DCBLD1: variants seen among roughly 807,000 people sequenced by gnomAD.
DCBLD1 encodes the protein discoidin, CUB and LCCL domain-containing protein 1.
Under a neutral mutation model 71.5 loss-of-function variants are expected in DCBLD1, and 57 were observed. The ratio of observed to expected loss-of-function variants is 0.80; its 90% CI spans 0.64 to 0.99. DCBLD1 has a LOEUF of 0.99. Among genes scored for constraint, DCBLD1 ranks in the 50% least tolerant of loss-of-function variants. The pLI is 0.00. For synonymous variants in DCBLD1, 380 were observed against 363.8 expected (o/e 1.04, Z -0.51); for missense variants, 891 against 923.5 (o/e 0.96, Z 0.46).
chr6:117,568,576 T>C (rs1562138558), intron 14 of DCBLD1, among the ~76,000 whole-genome samples: 3 of 152,210 alleles, frequency 2.0e-5, no homozygotes, highest in South Asian at 4.1e-4. Flanking sequence ...GTAGCATTCT[T>C]AGATCTCTCT....
chr6:117,559,122 C>T (rs1330899129), intron 14 of DCBLD1, among the ~76,000 whole-genome samples: 1 of 152,198 alleles, frequency 6.6e-6, no homozygotes, highest in Non-Finnish European at 1.5e-5. Flanking sequence ...TGGGTGGGTT[C>T]CTAATGCCCA....
At chr6:117,542,161 CA>C (rs1779117707) in intron 11 of DCBLD1, among the ~76,000 whole-genome samples, 1 of 151,986 alleles carries the variant, frequency 6.6e-6, no homozygotes, top group African/African-American at 2.4e-5. Context: ...GGCGTGGCAG[CA>C]TGCGCCTGTA....
At chr6:117,529,268 C>T (rs1028798535) in intron 5 of DCBLD1, among the ~76,000 whole-genome samples, 2 of 128,022 alleles carry the variant, frequency 1.6e-5, no homozygotes, top group Non-Finnish European at 3.5e-5. Context: ...TCTAATTTGC[C>T]GTTAAAGCAA....
In DCBLD1 at chr6:117,562,290, C is replaced by T. The variant is rs191402368; in HGVS notation, c.1616-7330C>T. 662 of 205,316 alleles carry T rather than the reference C, an allele frequency of 3.2e-3. 4 individuals carry two copies. The highest frequency in any genetic ancestry group is 0.014 in the African/African-American group (611 of 43,888). 12.7% of individuals were successfully genotyped at this position (205,316 alleles called of 1,614,324 possible). On this transcript the variant is annotated intron_variant, in intron 14 of 14. Coordinates refer to the DCBLD1 transcript ENST00000296955. ...CTTTTAGATGACTGGAAATCATTTA[C>T]TTAGAAAGAAAACTGCCGTTTGATT...
chr6:117,483,108 C>G (rs951344547), intron 1 of DCBLD1, among the ~76,000 whole-genome samples: 2 of 152,084 alleles, frequency 1.3e-5, no homozygotes, highest in African/African-American at 4.8e-5. Context: ...CCTTGTCGCT[C>G]CCCCACCAAA....
chr6:117,554,650 T>A (rs1269440016), downstream of DCBLD1, among the ~76,000 whole-genome samples: 3 of 152,152 alleles, frequency 2.0e-5, no homozygotes, highest in African/African-American at 7.2e-5. Context: ...ATCCCAGCAC[T>A]TTGGGAGGCT....
chr6:117,518,256 C>A (rs1477141841), intron 2 of DCBLD1, among the ~76,000 whole-genome samples: 1 of 152,202 alleles, frequency 6.6e-6, no homozygotes, highest in Non-Finnish European at 1.5e-5. Flanking sequence ...ACAAGAGTCA[C>A]CTTTGCTCCA....
chr6:117,514,411 C>G (rs1366562952), intron 2 of DCBLD1, among the ~76,000 whole-genome samples: 2 of 151,976 alleles, frequency 1.3e-5, no homozygotes, highest in Admixed American at 6.6e-5. Context: ...TTGAGACCAA[C>G]CTGGGCAATG....
intron 13 of DCBLD1, among the ~76,000 whole-genome samples, chr6:117,544,795 A>G (rs1779211773): frequency 6.6e-6 from 1 of 151,814 alleles, no homozygotes; most frequent in Admixed American, 6.6e-5. Context: ...ATCCCCTATC[A>G]TTTGTCAACA....
At chr6:117,540,437 T>C in intron 9 of DCBLD1, 1 of 490,242 alleles carries the variant, frequency 2.0e-6, no homozygotes, top group African/African-American at 1.9e-5. Flanking sequence ...AATTTTAGCT[T>C]CTTTATCCAA....
chr6:117,498,009 C>T (rs1777525887), intron 1 of DCBLD1, among the ~76,000 whole-genome samples: 1 of 152,116 alleles, frequency 6.6e-6, no homozygotes, highest in African/African-American at 2.4e-5. Context: ...GTTAAATATT[C>T]TTCTAAAACA....
intron 14 of DCBLD1, chr6:117,547,596 C>G (rs1779310061): frequency 1.6e-6 from 1 of 641,384 alleles, no homozygotes; most frequent in African/African-American, 1.8e-5. Flanking sequence ...ACTTCCACCT[C>G]CATAGCTTCT....
intron 5 of DCBLD1, among the ~76,000 whole-genome samples, chr6:117,529,319 G>A (rs1157125044): frequency 2.0e-5 from 3 of 148,732 alleles, no homozygotes; most frequent in Non-Finnish European, 4.5e-5. Context: ...GTACAGTTTA[G>A]TATTTTTGGT....
At chr6:117,512,768 G>A (rs1291184549) in intron 2 of DCBLD1, among the ~76,000 whole-genome samples, 1 of 151,914 alleles carries the variant, frequency 6.6e-6, no homozygotes, top group East Asian at 1.9e-4. Context: ...GGTTAATGAG[G>A]GTTTTTTGGA....
intron 14 of DCBLD1, chr6:117,566,853 C>T (rs1314100225): frequency 5.2e-6 from 8 of 1,540,156 alleles, no homozygotes; most frequent in East Asian, 2.3e-5. Flanking sequence ...GTGATTTTTA[C>T]CTTGTAATAC....
chr6:117,488,966 C>A (rs1777187651), intron 1 of DCBLD1, among the ~76,000 whole-genome samples: 1 of 152,152 alleles, frequency 6.6e-6, no homozygotes, highest in Non-Finnish European at 1.5e-5. Context: ...TAGCTATTTC[C>A]TTAGGAGCTA....
At chr6:117,512,668 A>G (rs1778062053) in intron 2 of DCBLD1, among the ~76,000 whole-genome samples, 1 of 152,100 alleles carries the variant, frequency 6.6e-6, no homozygotes. Context: ...CTCCACCCAC[A>G]TGTACTCCCA....
intron 5 of DCBLD1, among the ~76,000 whole-genome samples, chr6:117,531,647 A>G (rs1778723369): frequency 1.3e-5 from 2 of 152,276 alleles, no homozygotes; most frequent in South Asian, 4.1e-4. Flanking sequence ...GTTGCTCATC[A>G]TCCCTCTAGG....
chr6:117,554,434 G>A (rs1779469976), downstream of DCBLD1, among the ~76,000 whole-genome samples: 1 of 152,102 alleles, frequency 6.6e-6, no homozygotes, highest in South Asian at 2.1e-4. Flanking sequence ...AGTCTTTTCA[G>A]CATCTATGGA....
Sources: gnomAD v4.1 joint callset for allele counts (sites outside exome capture counted in the v4.1 genomes callset) on GRCh38, gnomAD v4.1.1 for gene constraint, MANE v1.5 for transcripts, NCBI Gene and HGNC (gene_info 2026-07-23, HGNC 2026-07-21) for gene names.